ZFHX3: variants seen among roughly 807,000 people sequenced by gnomAD.
ZFHX3 encodes the protein zinc finger homeobox protein 3.
Under a neutral mutation model 279.1 loss-of-function variants are expected in ZFHX3, and 42 were observed. The observed-to-expected ratio is 0.15, with a 90% CI of 0.12 to 0.19. ZFHX3 has a LOEUF of 0.19. ZFHX3 is among the 10% of genes least tolerant of loss of function. ZFHX3 has a pLI of 1.00. For missense variants in ZFHX3, 4,981 were observed against 4,754.0 expected, an observed-to-expected ratio of 1.05 and a Z score of -1.40; for synonymous variants, 2,293 against 1,957.8, an observed-to-expected ratio of 1.17 and a Z score of -4.52.
At chr16:73,529,766 C>G (rs1306708404) in intron 2 of ZFHX3, among the ~76,000 whole-genome samples, 2 of 152,174 alleles carry the variant, frequency 1.3e-5, no homozygotes, top group African/African-American at 2.4e-5. Flanking sequence ...ATTCAGAGTG[C>G]TCGAAATAAT....
intron 5 of ZFHX3, among the ~76,000 whole-genome samples, chr16:72,825,763 T>C (rs1274122762): frequency 2.6e-5 from 4 of 152,238 alleles, no homozygotes; most frequent in Non-Finnish European, 4.4e-5. Context: ...GGGGTATCTA[T>C]AGCTGCACAT....
At chr16:72,877,525 AGC>A (rs1241292011) in intron 4 of ZFHX3, among the ~76,000 whole-genome samples, 1 of 152,220 alleles carries the variant, frequency 6.6e-6, no homozygotes, top group Admixed American at 6.5e-5. Flanking sequence ...TAGTCATCAT[AGC>A]ACACACCCTG....
At chr16:73,044,643 C>T (rs1476824960) in intron 1 of ZFHX3, among the ~76,000 whole-genome samples, 3 of 152,128 alleles carry the variant, frequency 2.0e-5, no homozygotes, top group East Asian at 3.9e-4. Context: ...GATGGAGTTT[C>T]GGAGTTTCGC....
At chr16:73,129,600 G>A (rs1024538376) in intron 7 of ZFHX3, among the ~76,000 whole-genome samples, 2 of 151,912 alleles carry the variant, frequency 1.3e-5, no homozygotes, top group South Asian at 2.1e-4. Context: ...TTGAGGTGTA[G>A]TGTGTGCGTG....
rs1285722227 is a variant in ZFHX3, at chr16:73,784,791, AAAAAAAT to A, written c.-1607-104558_-1607-104552del. ...AAAAACTATTTTTAACAAAATAAAA[AAAAAAAT>A]ATATATATATATATATATACACACA... is the stretch of plus-strand genomic sequence containing the variant. On this transcript the variant is annotated intron_variant, in intron 1 of 17. Coordinates refer to the ZFHX3 transcript ENST00000641206. Among the ~76,000 whole-genome samples the A allele has an allele frequency of 2.9e-3, 327 of 114,484 alleles. 1 individual carries two copies. Among genetic ancestry groups the A allele is most frequent in the African/African-American group, 0.01 (291 of 28,536 alleles). 75.1% of individuals were successfully genotyped at this position (114,484 alleles called of 152,430 possible). A position where few individuals can be genotyped will look rare whatever the true frequency, so the allele number is the denominator to read the frequency against.
intron 5 of ZFHX3, among the ~76,000 whole-genome samples, chr16:73,174,688 C>T (rs1043343251): frequency 2.6e-5 from 4 of 152,002 alleles, no homozygotes; most frequent in Non-Finnish European, 4.4e-5. Flanking sequence ...CATTGCAGTC[C>T]GCTCATCAAT....
intron 5 of ZFHX3, among the ~76,000 whole-genome samples, chr16:73,186,716 G>C (rs751266149): frequency 2.6e-5 from 4 of 151,726 alleles, no homozygotes; most frequent in African/African-American, 9.7e-5. Context: ...TTCTCCTAAC[G>C]ATAAAGTTGT....
intron 2 of ZFHX3, among the ~76,000 whole-genome samples, chr16:73,619,093 T>A (rs1452082185): frequency 6.6e-6 from 1 of 152,142 alleles, no homozygotes; most frequent in Non-Finnish European, 1.5e-5. Context: ...AAATTCAATA[T>A]AAAAGCTGTC....
intron 1 of ZFHX3, among the ~76,000 whole-genome samples, chr16:73,006,392 G>A (rs1048214047): frequency 7.2e-5 from 11 of 152,260 alleles, no homozygotes; most frequent in East Asian, 3.9e-4. Context: ...GGAGGCCAAC[G>A]CAGGAGGATA....
chr16:73,846,890 A>G (rs1961462528), intron 1 of ZFHX3, among the ~76,000 whole-genome samples: 1 of 152,228 alleles, frequency 6.6e-6, no homozygotes, highest in South Asian at 2.1e-4. Context: ...AAATTTTTCC[A>G]GCAAGGAGGC....
exon 7 of ZFHX3, chr16:73,131,003 G>A: frequency 7.7e-7 from 1 of 1,305,296 alleles, no homozygotes; most frequent in Non-Finnish European, 1.0e-6. Context: ...TGAGCTGGTG[G>A]CGCTGGTTCT....
At chr16:73,045,805 T>G (rs371494914) in intron 1 of ZFHX3, among the ~76,000 whole-genome samples, 78 of 111,942 alleles carry the variant, frequency 7.0e-4, no homozygotes, top group East Asian at 1.8e-3. Context: ...AAAAAAAAAG[T>G]GGGGGGGGGT....
intron 2 of ZFHX3, among the ~76,000 whole-genome samples, chr16:73,546,721 G>A (rs560844032): frequency 8.6e-6 from 1 of 116,150 alleles, no homozygotes; most frequent in African/African-American, 4.3e-5. Flanking sequence ...TGCTGCTGCT[G>A]CTGCTGCTGC....
In ZFHX3 at chr16:73,714,650, C is replaced by T. The variant is rs2053397018; in HGVS notation, c.-1607-34410G>A. ...CAACATGTGTGTTAGCATCTATTCCCAACTTCCTGATCAGCTAGAACATGC... is the reference window on the plus strand; with the variant it reads ...CAACATGTGTGTTAGCATCTATTCCTAACTTCCTGATCAGCTAGAACATGC... On this transcript the variant is annotated intron_variant, in intron 1 of 17. Coordinates refer to the ZFHX3 transcript ENST00000641206. Among the ~76,000 whole-genome samples, 2 of 152,184 alleles carry T rather than the reference C, an allele frequency of 1.3e-5. 1 individual carries two copies. The highest frequency in any genetic ancestry group is 4.1e-4 in the South Asian group (2 of 4,828).
At chr16:73,567,036 G>A (rs562807254) in intron 2 of ZFHX3, among the ~76,000 whole-genome samples, 116 of 152,096 alleles carry the variant, frequency 7.6e-4, no homozygotes, top group Admixed American at 1.2e-3. Context: ...TGTAGAGATA[G>A]GGGGGTATCC....
At chr16:73,700,272 T>C (rs181287937) in intron 1 of ZFHX3, among the ~76,000 whole-genome samples, 3 of 152,302 alleles carry the variant, frequency 2.0e-5, no homozygotes, top group Admixed American at 6.5e-5. Flanking sequence ...TTGATGTTAC[T>C]GAGAATCCTG....
intron 1 of ZFHX3, among the ~76,000 whole-genome samples, chr16:73,684,040 T>C (rs1314136863): frequency 6.6e-6 from 1 of 152,156 alleles, no homozygotes; most frequent in Non-Finnish European, 1.5e-5. Flanking sequence ...ATGCTCATAA[T>C]CCCAGTACTT....
chr16:73,756,230 C>T (rs1319834221), intron 1 of ZFHX3, among the ~76,000 whole-genome samples: 3 of 152,136 alleles, frequency 2.0e-5, no homozygotes, highest in Non-Finnish European at 4.4e-5. Flanking sequence ...TTCTCTTTCC[C>T]TCAAAGCAAA....
chr16:73,190,676 TG>T (rs929761184), intron 5 of ZFHX3, among the ~76,000 whole-genome samples: 1 of 152,228 alleles, frequency 6.6e-6, no homozygotes, highest in African/African-American at 2.4e-5. Flanking sequence ...GATACACAGC[TG>T]GAAAAGCTAC....
Sources: gnomAD v4.1 joint callset for allele counts (sites outside exome capture counted in the v4.1 genomes callset) on GRCh38, gnomAD v4.1.1 for gene constraint, MANE v1.5 for transcripts, NCBI Gene and HGNC (gene_info 2026-07-23, HGNC 2026-07-21) for gene names.